GCKR: variants seen among roughly 807,000 people sequenced by gnomAD.
The protein encoded by GCKR is glucokinase regulatory protein.
A neutral mutation model predicts 82.9 loss-of-function variants in GCKR; 73 were observed. That is an observed-to-expected ratio of 0.88 (90% CI 0.73 to 1.07). The LOEUF (loss-of-function observed/expected upper bound fraction) is 1.07, where lower values mean the gene tolerates loss of function less well. Ranked by LOEUF, GCKR falls within the 50% of genes least tolerant of loss-of-function variation. GCKR has a pLI of 0.00. For synonymous variants in GCKR, 294 were observed against 291.8 expected (o/e 1.01, Z -0.08); for missense variants, 784 against 782.1 (o/e 1.00, Z -0.03).
chr2:27,499,377 TG>T lies in GCKR; in HGVS notation c.496-19del. ...TGGAATCCTCCCAGTTACACTACCT[TG>T]TCCATCCTCCTCTCCTAGGTGGCTG... On this transcript the variant is annotated intron_variant, in intron 6 of 18. Transcript: ENST00000264717. 4 of 1,596,806 alleles carry T rather than the reference TG, an allele frequency of 2.5e-6. No individual in the cohort carries two copies. Among genetic ancestry groups the T allele is most frequent in the Non-Finnish European group, 3.4e-6 (4 of 1,164,104 alleles).
intron 18 of GCKR, among the ~76,000 whole-genome samples, 199 bp downstream of exon 18, chr2:27,522,793 T>A (rs947868641): frequency 6.6e-6 from 1 of 152,172 alleles, no homozygotes; most frequent in African/African-American, 2.4e-5. Flanking sequence ...TTTCTGCTCT[T>A]AATCCACCTT....
In GCKR at chr2:27,507,240, C is replaced by T. The variant is rs201754753; in HGVS notation, c.1072C>T (p.Arg358Ter). 93 of 1,607,414 alleles carry T rather than the reference C, an allele frequency of 5.8e-5. No homozygotes were observed. The highest frequency in any genetic ancestry group is 1.2e-4 in the Admixed American group (7 of 59,990). The change falls in exon 13 of 19, where the codon CGA becomes TGA. Residue 358 changes from arginine (R) to a stop codon, truncating the protein, a stop_gained. Transcript: ENST00000264717. LOFTEE classifies it high-confidence loss of function. ...CTTGTTCTTAAACTTCCCAGATTTCCGAGATGTCCGTGGCTTTCTCATTGG... is the reference window on the plus strand; with the variant it reads ...CTTGTTCTTAAACTTCCCAGATTTCTGAGATGTCCGTGGCTTTCTCATTGG... ...ECIHTFGADF[R>*]DVRGFLIGDH...
At chr2:27,521,810 A>G (rs1230981121) in intron 17 of GCKR, among the ~76,000 whole-genome samples, 3 of 148,250 alleles carry the variant, frequency 2.0e-5, no homozygotes, top group Non-Finnish European at 3.0e-5. Flanking sequence ...ACAGCCTCAA[A>G]CTCCTGAGCT....
intron 16 of GCKR, among the ~76,000 whole-genome samples, chr2:27,510,457 A>G (rs187240673): frequency 3.0e-4 from 45 of 152,322 alleles, no homozygotes; most frequent in Admixed American, 2.4e-3. Flanking sequence ...CACATCTTTT[A>G]GGCATTTGAC....
At chr2:27,505,644 C>CG in intron 9 of GCKR, 74 bp from the exon 10 acceptor site, 1 of 810,944 alleles carries the variant, frequency 1.2e-6, no homozygotes, top group Non-Finnish European at 2.2e-6. Flanking sequence ...CATGCATGCC[C>CG]GGGGGTTACT....
chr2:27,499,116 C>A (rs1368354291), intron 5 of GCKR, 26 bp from the exon 6 acceptor site: 13 of 1,458,108 alleles, frequency 8.9e-6, no homozygotes, highest in Non-Finnish European at 1.3e-5. Flanking sequence ...CAGCCACTGC[C>A]ACTGACCTTG....
At chr2:27,519,157 AC>A (rs952458015) in intron 17 of GCKR, among the ~76,000 whole-genome samples, 1 of 152,236 alleles carries the variant, frequency 6.6e-6, no homozygotes, top group African/African-American at 2.4e-5. Flanking sequence ...TCTTTCAGTT[AC>A]AAACGTGATG....
At position 27,518,708 on chromosome 2, in the gene GCKR, G is replaced by A. The variant is rs1670070639; in HGVS notation, c.1423-80G>A. 5 of 1,167,634 alleles carry A rather than the reference G, an allele frequency of 4.3e-6. No homozygotes were observed. In the East Asian group the frequency reaches 9.3e-5, roughly 22 times the overall value. 72.3% of individuals were successfully genotyped at this position (1,167,634 alleles called of 1,614,324 possible). A position where few individuals can be genotyped will look rare whatever the true frequency, so the allele number is the denominator to read the frequency against. On this transcript the variant is annotated intron_variant, in intron 16 of 18. Transcript: ENST00000264717. The stretch of plus-strand genomic sequence containing the variant: ...CCTGGTTCTTGACAGTTGGTTTCCT[G>A]TCTGATAACAGGGCCCTGTTCACTC...
At chr2:27,501,018 G>T (rs1669559767) in intron 7 of GCKR, 117 bp from the exon 8 acceptor site, 1 of 824,178 alleles carries the variant, frequency 1.2e-6, no homozygotes, top group South Asian at 1.3e-5. Context: ...GATTGTAACT[G>T]TACCTGGGAA....
At chr2:27,507,838 G>T in intron 14 of GCKR, 61 bp downstream of exon 14, 1 of 1,200,088 alleles carries the variant, frequency 8.3e-7, no homozygotes, top group Non-Finnish European at 1.2e-6. Context: ...GTTCAGAGGA[G>T]CTGTTGTTTT....
intron 9 of GCKR, among the ~76,000 whole-genome samples, chr2:27,503,823 C>G (rs995565346): frequency 6.6e-6 from 1 of 152,212 alleles, no homozygotes; most frequent in East Asian, 1.9e-4. Flanking sequence ...TTCCAACCCT[C>G]TCTCTCAAAT....
In GCKR at chr2:27,507,346, G is replaced by C. The variant is rs769896423; in HGVS notation, c.1143+35G>C. On this transcript the variant is annotated intron_variant, in intron 13 of 18. Coordinates refer to ENST00000264717, the MANE Select transcript of GCKR (RefSeq NM_001486.4). ...GAACAGGACTTGGGGAAGCTGGGGA[G>C]ACCACTAGTGTGCTGAGGGTGGAAG... 6 of 1,315,398 alleles carry C rather than the reference G, an allele frequency of 4.6e-6. No homozygotes were observed. The South Asian group carries it at 5.9e-5, about 13-fold the overall frequency. 81.5% of individuals were successfully genotyped at this position (1,315,398 alleles called of 1,614,324 possible).
intron 8 of GCKR, 75 bp from the exon 9 acceptor site, chr2:27,503,438 TC>T: frequency 1.2e-6 from 1 of 807,428 alleles, no homozygotes. Flanking sequence ...CAGTCTTTGA[TC>T]ATGACTCCCA....
intron 16 of GCKR, among the ~76,000 whole-genome samples, chr2:27,514,177 G>A (rs1277847510): frequency 1.3e-5 from 2 of 151,994 alleles, no homozygotes; most frequent in Admixed American, 6.6e-5. Context: ...GTGTGTATGT[G>A]TGTGTTTATG....
intron 16 of GCKR, among the ~76,000 whole-genome samples, chr2:27,516,070 C>A (rs1017500890): frequency 2.0e-5 from 3 of 151,366 alleles, no homozygotes; most frequent in African/African-American, 7.3e-5. Context: ...AGCCACCGTG[C>A]CTGGCTCCAA....
At position 27,497,033 on chromosome 2, in the gene GCKR, C is replaced by T. The variant is rs375282498; in HGVS notation, c.60+69C>T. 7.8e-4 allele frequency: 1,065 copies of T among 1,373,364 alleles called. 2 individuals are homozygous for T. Among genetic ancestry groups the T allele is most frequent in the Non-Finnish European group, 1.1e-3 (1,026 of 962,072 alleles). 85.1% of individuals were successfully genotyped at this position (1,373,364 alleles called of 1,614,324 possible). A position where few individuals can be genotyped will look rare whatever the true frequency, so the allele number is the denominator to read the frequency against. The stretch of plus-strand genomic sequence containing the variant: ...AATTATTTTTCATCCAGTCTTCCCT[C>T]CCCGCTGGTTTCTGCTCACCTCTTC... On this transcript the variant is annotated intron_variant, in intron 1 of 18. Coordinates refer to ENST00000264717, the MANE Select transcript of GCKR (RefSeq NM_001486.4).
intron 9 of GCKR, among the ~76,000 whole-genome samples, chr2:27,505,340 G>A (rs1468828865): frequency 2.0e-5 from 3 of 146,622 alleles, no homozygotes; most frequent in Middle Eastern, 3.5e-3. Context: ...AGCTTGCAGT[G>A]AGCCGAGATC....
In GCKR at chr2:27,516,150, A is replaced by G. The variant is rs1356025565; in HGVS notation, c.1423-2638A>G. Among the ~76,000 whole-genome samples, 17 of 151,446 alleles carry G rather than the reference A, an allele frequency of 1.1e-4. No homozygotes were observed. The East Asian group carries it at 3.3e-3, about 30-fold the overall frequency. On this transcript the variant is annotated intron_variant, in intron 16 of 18. Coordinates refer to ENST00000264717, the MANE Select transcript of GCKR (RefSeq NM_001486.4). ...TATCTGTGTCACATACTCAATTTCTATGTGCATTGGTCTATTTATGGACTT... is the reference window on the plus strand; with the variant it reads ...TATCTGTGTCACATACTCAATTTCTGTGTGCATTGGTCTATTTATGGACTT...
intron 16 of GCKR, among the ~76,000 whole-genome samples, chr2:27,511,403 T>C (rs2148588056): frequency 6.6e-6 from 1 of 152,064 alleles, no homozygotes; most frequent in Non-Finnish European, 1.5e-5. Context: ...TCTTTAGCTA[T>C]AGAAATATTT....
Sources: gnomAD v4.1 joint callset for allele counts (sites outside exome capture counted in the v4.1 genomes callset) on GRCh38, gnomAD v4.1.1 for gene constraint, MANE v1.5 for transcripts, NCBI Gene and HGNC (gene_info 2026-07-23, HGNC 2026-07-21) for gene names.